ZBTB8A: variants seen among roughly 807,000 people sequenced by gnomAD.
ZBTB8A encodes the protein zinc finger and BTB domain-containing protein 8A.
A neutral mutation model predicts 37.8 loss-of-function variants in ZBTB8A; 19 were observed. The ratio of observed to expected loss-of-function variants is 0.50; its 90% CI spans 0.35 to 0.74. The LOEUF is 0.74. Among genes scored for constraint, ZBTB8A ranks in the 30% least tolerant of loss-of-function variants. The probability of loss-of-function intolerance (pLI) is 0.01; values close to 1 mark genes in which losing one functional copy is unlikely to be tolerated. For synonymous variants in ZBTB8A, 181 were observed against 185.2 expected (o/e 0.98, Z 0.19); for missense variants, 394 against 537.8 (o/e 0.73, Z 2.65).
At position 32,604,436 on chromosome 1, in the gene ZBTB8A, C is replaced by T. The variant is rs1285142248; in HGVS notation, c.*4017C>T. ...GAAAACCATGGAATTAGACAACTTC[C>T]TGAATTCCCTTTGAGCCTTGCAGCC... On this transcript the variant is annotated 3_prime_UTR_variant, in exon 5 of 5. Coordinates refer to ENST00000373510, the MANE Select transcript of ZBTB8A (RefSeq NM_001040441.3). 6.6e-6 allele frequency: 1 copy of T among 152,164 alleles called. No homozygotes were observed. Among genetic ancestry groups the T allele is most frequent in the Non-Finnish European group, 1.5e-5 (1 of 68,026 alleles). 9.4% of individuals were successfully genotyped at this position (152,164 alleles called of 1,614,324 possible). A position where few individuals can be genotyped will look rare whatever the true frequency, so the allele number is the denominator to read the frequency against.
At chr1:32,573,727 C>G (rs1429584489) in intron 2 of ZBTB8A, among the ~76,000 whole-genome samples, 1 of 146,590 alleles carries the variant, frequency 6.8e-6, no homozygotes, top group African/African-American at 2.5e-5. Context: ...AGCCACCACA[C>G]CCAGCTAAAA....
chr1:32,552,992 A>G (rs1330618444), intron 1 of ZBTB8A, among the ~76,000 whole-genome samples: 3 of 150,318 alleles, frequency 2.0e-5, no homozygotes, highest in South Asian at 4.2e-4. Flanking sequence ...ATTAACTATT[A>G]CTAATAATAA....
intron 2 of ZBTB8A, among the ~76,000 whole-genome samples, chr1:32,580,169 T>A (rs1407425819): frequency 6.6e-6 from 1 of 151,994 alleles, no homozygotes; most frequent in Admixed American, 6.6e-5. Flanking sequence ...TGGTGGACGT[T>A]GCAGTGAGCC....
At chr1:32,552,399 C>G (rs1174055465) in intron 1 of ZBTB8A, among the ~76,000 whole-genome samples, 2 of 152,126 alleles carry the variant, frequency 1.3e-5, no homozygotes, top group African/African-American at 4.8e-5. Context: ...GTGGCTCACG[C>G]CTGTAATCTC....
At position 32,595,075 on chromosome 1, in the gene ZBTB8A, T is replaced by C; in HGVS notation, c.845T>C (p.Phe282Ser). ...ACAGATGATCTGCCTCGGATGCGATTCAAGTGCCCGTACTGCACACATGTG... is the reference window on the plus strand; with the variant it reads ...ACAGATGATCTGCCTCGGATGCGATCCAAGTGCCCGTACTGCACACATGTG... ...SFPDDLPRMR[F>S]KCPYCTHVVK... Residue 282 changes from phenylalanine (F) to serine (S), a missense_variant, in exon 4 of 5, where the codon TTC (phenylalanine) becomes TCC (serine). Transcript: ENST00000373510. 1 of 1,613,996 alleles carries C rather than the reference T, an allele frequency of 6.2e-7. No individual in the cohort carries two copies. The highest frequency in any genetic ancestry group is 8.5e-7 in the Non-Finnish European group (1 of 1,179,954).
At chr1:32,598,105 T>C (rs1203251705) in intron 4 of ZBTB8A, among the ~76,000 whole-genome samples, 3 of 151,898 alleles carry the variant, frequency 2.0e-5, no homozygotes, top group African/African-American at 7.3e-5. Context: ...ATTCAAATCA[T>C]GTACTTTTAA....
At chr1:32,591,679 G>A (rs1344207596) in intron 2 of ZBTB8A, among the ~76,000 whole-genome samples, 1 of 152,096 alleles carries the variant, frequency 6.6e-6, no homozygotes, top group African/African-American at 2.4e-5. Flanking sequence ...TTGGGAGGCT[G>A]AGGCCAGAGG....
chr1:32,583,022 A>T (rs974587211), intron 2 of ZBTB8A, among the ~76,000 whole-genome samples: 2 of 152,200 alleles, frequency 1.3e-5, no homozygotes, highest in Admixed American at 6.6e-5. Context: ...TAGGGTCTTC[A>T]TCTGTATATA....
chr1:32,542,315 G>A (rs1213610764), intron 1 of ZBTB8A, among the ~76,000 whole-genome samples: 2 of 149,960 alleles, frequency 1.3e-5, no homozygotes, highest in Non-Finnish European at 3.0e-5. Flanking sequence ...AACACTTTGG[G>A]AGGCCAAGGC....
intron 4 of ZBTB8A, 26 bp downstream of exon 4, chr1:32,595,249 T>C (rs1644521251): frequency 6.3e-7 from 1 of 1,597,674 alleles, no homozygotes; most frequent in Non-Finnish European, 8.5e-7. Context: ...TTTCATCGTT[T>C]TACTAATTCT....
intron 2 of ZBTB8A, among the ~76,000 whole-genome samples, chr1:32,559,848 G>A (rs937372115): frequency 6.6e-6 from 1 of 152,194 alleles, no homozygotes; most frequent in Non-Finnish European, 1.5e-5. Context: ...AGGAACTAGT[G>A]GTTTTATAAG....
At position 32,580,858 on chromosome 1, in the gene ZBTB8A, A is replaced by G. The variant is rs575860439; in HGVS notation, c.-1-12073A>G. 7.2e-5 allele frequency among the ~76,000 whole-genome samples: 11 copies of G among 151,822 alleles called. No individual in the cohort carries two copies. In the South Asian group the frequency reaches 2.3e-3, roughly 31 times the overall value. The stretch of plus-strand genomic sequence containing the variant: ...GGTGGAAGGCATCCCATGGCAAGGA[A>G]GCACAGGAGCAACACAGAGAGACAA... On this transcript the variant is annotated intron_variant, in intron 2 of 4. Transcript: ENST00000373510.
intron 4 of ZBTB8A, among the ~76,000 whole-genome samples, chr1:32,599,247 C>A (rs968767069): frequency 6.8e-6 from 1 of 147,384 alleles, no homozygotes; most frequent in African/African-American, 2.5e-5. Flanking sequence ...CATAGTGAGA[C>A]CCTTTCTCTA....
chr1:32,576,681 G>A (rs1373421756), intron 2 of ZBTB8A, among the ~76,000 whole-genome samples: 7 of 151,792 alleles, frequency 4.6e-5, no homozygotes, highest in African/African-American at 9.7e-5. Flanking sequence ...TGCCTGCCTC[G>A]GCCTCCCAAA....
intron 4 of ZBTB8A, among the ~76,000 whole-genome samples, chr1:32,596,443 TG>T (rs1469679225): frequency 6.7e-6 from 1 of 150,342 alleles, no homozygotes; most frequent in Non-Finnish European, 1.5e-5. Flanking sequence ...TTAGCTGGCA[TG>T]GTAGCGCACA....
intron 2 of ZBTB8A, among the ~76,000 whole-genome samples, chr1:32,581,549 G>A (rs182701919): frequency 6.6e-6 from 1 of 151,038 alleles, no homozygotes; most frequent in East Asian, 1.9e-4. Flanking sequence ...ATGGGGTTTC[G>A]CCACGTTGGC....
At position 32,593,422 on chromosome 1, in the gene ZBTB8A, C is replaced by T. The variant is rs570007581; in HGVS notation, c.491C>T (p.Ser164Phe). The change falls in exon 3 of 5, where the codon TCT becomes TTT. Residue 164 changes from serine to phenylalanine, a missense_variant. By Grantham distance (155) the Ser-to-Phe change is radical. Around this residue, in one of 4 missense-constraint regions of ZBTB8A, gnomAD observed 171 missense variants for 186.8 expected, o/e 0.92. Transcript: ENST00000373510. ...GWQEGSSSPRSHLSPEQGTGI... is the reference protein window; with the variant it reads ...GWQEGSSSPRFHLSPEQGTGI... ...CAAGAAGGAAGCAGTTCTCCACGTT[C>T]TCACCTAAGCCCAGAGCAAGGAACA... 152 of 1,613,962 alleles carry T rather than the reference C, an allele frequency of 9.4e-5. 3 individuals carry two copies. The Middle Eastern group carries it at 2.0e-3, about 21-fold the overall frequency.
rs531690213 is a variant in ZBTB8A, at chr1:32,580,734, G to C, written c.-1-12197G>C. ...TAAATGCTTGTCTTAGTCCGTTTCTGTTGCTATAACAGAATACCACAGACT... is the reference window on the plus strand; with the variant it reads ...TAAATGCTTGTCTTAGTCCGTTTCTCTTGCTATAACAGAATACCACAGACT... On this transcript the variant is annotated intron_variant, in intron 2 of 4. Coordinates refer to ENST00000373510, the MANE Select transcript of ZBTB8A (RefSeq NM_001040441.3). Among the ~76,000 whole-genome samples the C allele has an allele frequency of 6.6e-4, 100 of 152,160 alleles. 1 individual carries two copies. The South Asian group carries it at 0.019, about 29-fold the overall frequency.
At chr1:32,599,718 A>AAAAT (rs532896304) in intron 4 of ZBTB8A, among the ~76,000 whole-genome samples, 2,185 of 151,910 alleles carry the variant, frequency 0.014, 100 homozygotes, top group Admixed American at 0.088. Flanking sequence ...CTCTGTCTCA[A>AAAAT]AAATAAATAA....
Sources: allele counts gnomAD v4.1 joint callset (sites outside exome capture counted in the v4.1 genomes callset), GRCh38; gene constraint gnomAD v4.1.1; regional missense constraint gnomAD v4.1.1; transcripts MANE v1.5; gene names NCBI Gene and HGNC (gene_info 2026-07-23, HGNC 2026-07-21).